The following TGM7 variants were observed in gnomAD, a reference collection of about 807,000 sequenced individuals.
TGM7 encodes the protein transglutaminase 7, also known as protein-glutamine gamma-glutamyltransferase Z.
Under a neutral mutation model 79.5 loss-of-function variants are expected in TGM7, and 74 were observed. The ratio of observed to expected loss-of-function variants is 0.93; its 90% CI spans 0.77 to 1.13. The LOEUF (loss-of-function observed/expected upper bound fraction) is 1.13, where lower values mean the gene tolerates loss of function less well. Among genes scored for constraint, TGM7 ranks in the 50% most tolerant of loss-of-function variants. The pLI is 0.00. For synonymous variants in TGM7, 354 were observed against 362.5 expected, an observed-to-expected ratio of 0.98 and a Z score of 0.27; for missense variants, 912 against 905.9, an observed-to-expected ratio of 1.01 and a Z score of -0.09.
chr15:43,276,424 G>T lies in TGM7; in HGVS notation c.*31C>A, dbSNP rs1195418716. 1 of 1,597,696 alleles carries T rather than the reference G, an allele frequency of 6.3e-7. No individual in the cohort carries two copies. The highest frequency in any genetic ancestry group is 8.5e-7 in the Non-Finnish European group (1 of 1,171,412). On this transcript the variant is annotated 3_prime_UTR_variant, in exon 13 of 13. Transcript: ENST00000452443. ...GTAGAAAGGAGCCAGGTGGGGCAGG[G>T]GTGCCAGGGAGGGCAGCTGGAGGGC...
intron 1 of TGM7, among the ~76,000 whole-genome samples, chr15:43,299,951 C>T (rs1445429392): frequency 6.6e-6 from 1 of 152,120 alleles, no homozygotes; most frequent in Admixed American, 6.6e-5. Flanking sequence ...CCAAGCATTC[C>T]AAGCCCTTCA....
At position 43,279,838 on chromosome 15, in the gene TGM7, G is replaced by C; in HGVS notation, c.1465C>G (p.Pro489Ala). The change falls in exon 10 of 13, where the codon CCA becomes GCA. Residue 489 changes from proline to alanine, a missense_variant. Coordinates refer to ENST00000452443, the MANE Select transcript of TGM7 (RefSeq NM_052955.3). ...LLESGGLRDQ[P>A]AQLQLHLARI... The stretch of plus-strand genomic sequence containing the variant: ...GCCAGGTGAAGCTGCAGCTGCGCTG[G>C]CTGATCCCTAAGACCCCCAGACTCC... 1 of 1,614,240 alleles carries C rather than the reference G, an allele frequency of 6.2e-7. No homozygotes were observed. Among genetic ancestry groups the C allele is most frequent in the South Asian group, 1.1e-5 (1 of 91,090 alleles).
chr15:43,288,082 G>A (rs2042945085), intron 4 of TGM7, among the ~76,000 whole-genome samples: 1 of 152,104 alleles, frequency 6.6e-6, no homozygotes, highest in Non-Finnish European at 1.5e-5. Flanking sequence ...GAAGAAGCAG[G>A]GAAGGGATCA....
intron 1 of TGM7, among the ~76,000 whole-genome samples, chr15:43,297,964 C>T (rs556281345): frequency 3.9e-5 from 6 of 152,228 alleles, no homozygotes; most frequent in Non-Finnish European, 7.3e-5. Flanking sequence ...TAGAAAGGAG[C>T]CTGGTGCCTA....
At chr15:43,290,582 C>T (rs911137222) in intron 4 of TGM7, among the ~76,000 whole-genome samples, 48 of 152,144 alleles carry the variant, frequency 3.2e-4, no homozygotes, top group African/African-American at 1.1e-3. Flanking sequence ...TTTAAAGTAG[C>T]TTTTTCCAAT....
In TGM7 at chr15:43,293,579, C is replaced by A. The variant is rs756269322; in HGVS notation, c.63G>T (p.Lys21Asn). 6.2e-7 allele frequency: 1 copy of A among 1,610,664 alleles called. No individual in the cohort carries two copies. The highest frequency in any genetic ancestry group is 2.2e-5 in the East Asian group (1 of 44,778). Reference sequence around the variant, plus strand: ...CGCCCATCTCCTGCGTGTGGTGCTCCTTGTTGTTCCTGGAGCTCTGCAGGT... The same window carrying A: ...CGCCCATCTCCTGCGTGTGGTGCTCATTGTTGTTCCTGGAGCTCTGCAGGT... ...SVDLQSSRNN[K>N]EHHTQEMGVK... The change falls in exon 2 of 13, where the codon AAG becomes AAT. Residue 21 changes from lysine to asparagine, a missense_variant. Physicochemically the swap from Lys to Asn is moderately conservative, Grantham distance 94 (BLOSUM62 0). Transcript: ENST00000452443.
chr15:43,276,359 G>C lies in TGM7; in HGVS notation c.*96C>G. 3.6e-6 allele frequency: 5 copies of C among 1,403,148 alleles called. No individual in the cohort carries two copies. Among genetic ancestry groups the C allele is most frequent in the South Asian group, 1.4e-5 (1 of 73,158 alleles). The allele number at this position is 1,403,148 out of a possible 1,614,324, so 86.9% of individuals were successfully genotyped here. The stretch of plus-strand genomic sequence containing the variant: ...GCTTCATTCATTCCCAGGCAGGCTA[G>C]AGAGAGGACAGAGGTGGAGCCAAGA... On this transcript the variant is annotated 3_prime_UTR_variant, in exon 13 of 13. Coordinates refer to ENST00000452443, the MANE Select transcript of TGM7 (RefSeq NM_052955.3).
At chr15:43,296,951 A>G (rs767850834) in intron 1 of TGM7, among the ~76,000 whole-genome samples, 1 of 152,200 alleles carries the variant, frequency 6.6e-6, no homozygotes, top group Non-Finnish European at 1.5e-5. Flanking sequence ...AAGAGGCTCA[A>G]CAAAGCAGAA....
chr15:43,276,945 G>A lies in TGM7; in HGVS notation c.1890C>T (p.Leu630=), dbSNP rs1346371649. ...VGKALRVHVT[L]TNTLMVALSS... is the part of the protein sequence containing the mutation. The stretch of plus-strand genomic sequence containing the variant: ...TCAGAGCCACCATTAAGGTGTTGGT[G>A]AGGGTGACATGGACTCTCAGCGCCT... The change falls in exon 12 of 13, where the codon CTC becomes CTT. Residue 630 remains leucine (L), a synonymous_variant. Transcript: ENST00000452443. The A allele has an allele frequency of 1.2e-6, 2 of 1,614,168 alleles. No homozygotes were observed. Among genetic ancestry groups the A allele is most frequent in the Non-Finnish European group, 8.5e-7 (1 of 1,180,016 alleles).
Position 43,279,130 on chromosome 15 carries a change from T to TG in TGM7, c.1825dup (p.His609ProfsTer5). On this transcript the variant is annotated frameshift_variant, in exon 11 of 13. Coordinates refer to ENST00000452443, the MANE Select transcript of TGM7 (RefSeq NM_052955.3). LOFTEE classifies it high-confidence loss of function. ...TCCAGACACTACCTCAATAGACAAGTGGGGAGGCTCCAGACAGATATCTTT... is the reference window on the plus strand; with the variant it reads ...TCCAGACACTACCTCAATAGACAAGTGGGGGAGGCTCCAGACAGATATCTTT... 6.2e-7 allele frequency: 1 copy of TG among 1,613,466 alleles called. No homozygotes were observed. Among genetic ancestry groups the TG allele is most frequent in the Non-Finnish European group, 8.5e-7 (1 of 1,179,744 alleles).
intron 1 of TGM7, 32 bp from the exon 2 acceptor site, chr15:43,293,663 C>T (rs1247836956): frequency 1.3e-6 from 2 of 1,548,016 alleles, no homozygotes; most frequent in Non-Finnish European, 1.7e-6. Context: ...GTCACGCCCA[C>T]CTGCAGTCCC....
chr15:43,276,459 G>A lies in TGM7; in HGVS notation c.2129C>T (p.Pro710Leu). The A allele has an allele frequency of 1.1e-5, 17 of 1,611,906 alleles. No individual in the cohort carries two copies. The highest frequency in any genetic ancestry group is 1.4e-5 in the Non-Finnish European group (17 of 1,178,836). ...AGGGCAGCTGGAGGGCGGGTCTCAG[G>A]GAGCCCCAGCCACAGTGACGAAGAT... is the stretch of plus-strand genomic sequence containing the variant. ...KDIFVTVAGA[P>L] The change falls in exon 13 of 13, where the codon CCC becomes CTC. Residue 710 changes from proline (P) to leucine (L), a missense_variant. Transcript: ENST00000452443.
chr15:43,293,328 G>A (rs1295208824), intron 2 of TGM7, 121 bp downstream of exon 2: 2 of 1,285,468 alleles, frequency 1.6e-6, no homozygotes, highest in Admixed American at 4.6e-5. Context: ...GGGGTCTGGG[G>A]CTCCCAGGAC....
At chr15:43,288,050 T>G (rs911802878) in intron 4 of TGM7, among the ~76,000 whole-genome samples, 6 of 152,120 alleles carry the variant, frequency 3.9e-5, no homozygotes, top group African/African-American at 1.4e-4. Flanking sequence ...ATCAAGGACT[T>G]AGACTCCTAT....
intron 1 of TGM7, among the ~76,000 whole-genome samples, chr15:43,294,510 G>A (rs141542658): frequency 6.6e-6 from 1 of 152,356 alleles, no homozygotes; most frequent in East Asian, 1.9e-4. Context: ...CGTTAAGTGA[G>A]GATGCCCATG....
chr15:43,298,322 C>T (rs1029485281), intron 1 of TGM7, among the ~76,000 whole-genome samples: 3 of 152,204 alleles, frequency 2.0e-5, no homozygotes, highest in Non-Finnish European at 4.4e-5. Context: ...CCTGTGAGGG[C>T]AGCAGGGCCA....
intron 7 of TGM7, among the ~76,000 whole-genome samples, chr15:43,283,973 C>CGA (rs2042922060): frequency 1.3e-5 from 2 of 152,024 alleles, no homozygotes; most frequent in Admixed American, 1.3e-4. Flanking sequence ...TTTGGGAGGC[C>CGA]GAGGCGAGTG....
intron 1 of TGM7, among the ~76,000 whole-genome samples, chr15:43,296,106 T>C (rs1279896482): frequency 1.3e-5 from 2 of 152,340 alleles, no homozygotes; most frequent in African/African-American, 4.8e-5. Flanking sequence ...AGCTAGGTCA[T>C]GATATAAATC....
rs201215024 is a variant in TGM7, at chr15:43,281,920, G to A, written c.1275C>T (p.Ile425=). 35 of 1,614,208 alleles carry A rather than the reference G, an allele frequency of 2.2e-5. No homozygotes were observed. In the African/African-American group the frequency reaches 2.4e-4, roughly 11 times the overall value. Residue 425 remains isoleucine, a synonymous_variant, in exon 9 of 13, where the codon ATC becomes ATT. Coordinates refer to ENST00000452443, the MANE Select transcript of TGM7 (RefSeq NM_052955.3). ...CCATCTTAGTGCTGATCTCCTTCCCGATGGAACTGGTGTTGTGGGCCAGGA... is the reference window on the plus strand; with the variant it reads ...CCATCTTAGTGCTGATCTCCTTCCCAATGGAACTGGTGTTGTGGGCCAGGA... ...QEILAHNTSS[I]GKEISTKMVG...
Sources: allele counts gnomAD v4.1 joint callset (sites outside exome capture counted in the v4.1 genomes callset), GRCh38; gene constraint gnomAD v4.1.1; transcripts MANE v1.5; gene names NCBI Gene and HGNC (gene_info 2026-07-23, HGNC 2026-07-21).